The following OTOA variants were observed in gnomAD, a reference collection of about 807,000 sequenced individuals.
OTOA encodes otoancorin.
Under a neutral mutation model 110.8 loss-of-function variants are expected in OTOA, and 70 were observed. That is an observed-to-expected ratio of 0.63 (90% CI 0.52 to 0.77). OTOA has a LOEUF of 0.77. OTOA is among the 30% of genes least tolerant of loss of function. OTOA has a pLI of 0.00. For missense variants in OTOA, 917 were observed against 1,075.8 expected, an observed-to-expected ratio of 0.85 and a Z score of 2.06; for synonymous variants, 373 against 431.5, an observed-to-expected ratio of 0.86 and a Z score of 1.68.
rs35961471 is a variant in OTOA, at chr16:21,721,232, T to TACACACAC, written c.1807-1633_1807-1626dup. On this transcript the variant is annotated intron_variant, in intron 17 of 28. Transcript: ENST00000646100. ...GCCCATTCTGAAAACACATAATTATTACACACACACACACACACACACACA... is the reference window on the plus strand; with the variant it reads ...GCCCATTCTGAAAACACATAATTATTACACACACACACACACACACACACACACACACA... The TACACACAC allele has an allele frequency of 1.0e-3, 391 of 372,416 alleles. 1 individual carries two copies. Among genetic ancestry groups the TACACACAC allele is most frequent in the Admixed American group, 2.1e-3 (73 of 35,408 alleles). The allele number at this position is 372,416 out of a possible 1,614,324, so 23.1% of individuals were successfully genotyped here. A position where few individuals can be genotyped will look rare whatever the true frequency, so the allele number is the denominator to read the frequency against.
intron 5 of OTOA, among the ~76,000 whole-genome samples, chr16:21,680,129 A>G (rs1161411257): frequency 2.0e-5 from 3 of 152,144 alleles, no homozygotes; most frequent in East Asian, 3.8e-4. Flanking sequence ...GATAACACCA[A>G]TGGGTACTTT....
Position 21,691,539 on chromosome 16 carries a change from C to T in OTOA, c.636-45C>T, listed in dbSNP as rs765872605. 6.6e-6 allele frequency: 10 copies of T among 1,517,984 alleles called. 1 individual carries two copies. The South Asian group carries it at 1.0e-4, about 16-fold the overall frequency. 94.0% of individuals were successfully genotyped at this position (1,517,984 alleles called of 1,614,324 possible). On this transcript the variant is annotated intron_variant, in intron 8 of 28. Coordinates refer to ENST00000646100, the MANE Select transcript of OTOA (RefSeq NM_144672.4). ...TTGTGACTCCCTTTTTAATGCAGCC[C>T]CCACCTGCTTGTTATTAGCTGATGC...
chr16:21,719,029 C>T, intron 15 of OTOA, 104 bp from the exon 16 acceptor site: 3 of 1,149,124 alleles, frequency 2.6e-6, no homozygotes, highest in African/African-American at 1.5e-5. Flanking sequence ...CTCCATTTCC[C>T]CATCTGTAAA....
At chr16:21,674,606 T>C (rs1966853665) in intron 1 of OTOA, among the ~76,000 whole-genome samples, 1 of 151,824 alleles carries the variant, frequency 6.6e-6, no homozygotes, top group Non-Finnish European at 1.5e-5. Context: ...AGTGCTGGGA[T>C]TACAGGCATG....
intron 9 of OTOA, among the ~76,000 whole-genome samples, chr16:21,696,767 G>A (rs1268814259): frequency 6.6e-6 from 1 of 151,868 alleles, no homozygotes; most frequent in African/African-American, 2.4e-5. Flanking sequence ...GATTACAGGT[G>A]TGAGCCACCA....
chr16:21,671,959 C>T (rs894008264), intron 1 of OTOA, among the ~76,000 whole-genome samples: 1 of 152,072 alleles, frequency 6.6e-6, no homozygotes, highest in African/African-American at 2.4e-5. Flanking sequence ...TAGTGAGACC[C>T]TATATCTACA....
At chr16:21,684,671 CT>C in intron 6 of OTOA, 1 of 605,388 alleles carries the variant, frequency 1.7e-6, no homozygotes, top group East Asian at 3.3e-5. Flanking sequence ...GTTGCCAAAC[CT>C]TTACTTTTTC....
intron 1 of OTOA, among the ~76,000 whole-genome samples, chr16:21,672,551 A>C (rs1240134970): frequency 6.7e-6 from 1 of 149,880 alleles, no homozygotes; most frequent in Admixed American, 6.7e-5. Flanking sequence ...TGCACCTGGG[A>C]GGCGGAGGTT....
intron 17 of OTOA, among the ~76,000 whole-genome samples, chr16:21,722,352 CTATA>C (rs1275297083): frequency 2.0e-5 from 2 of 99,698 alleles, no homozygotes; most frequent in South Asian, 6.6e-4. Context: ...ATGTATAAAA[CTATA>C]TATATAGTTA....
At chr16:21,684,658 G>T in intron 6 of OTOA, 2 of 820,318 alleles carry the variant, frequency 2.4e-6, no homozygotes, top group Admixed American at 2.3e-5. Context: ...ATGTGCGCCC[G>T]GTGTTGCCAA....
intron 13 of OTOA, among the ~76,000 whole-genome samples, chr16:21,714,440 CTT>C (rs1302327529): frequency 8.3e-6 from 1 of 120,494 alleles, no homozygotes; most frequent in Non-Finnish European, 1.7e-5. Context: ...TTCTCTCTTT[CTT>C]TCTTTCTCTC....
intron 21 of OTOA, among the ~76,000 whole-genome samples, chr16:21,735,327 G>A (rs1899255639): frequency 6.6e-6 from 1 of 151,704 alleles, no homozygotes; most frequent in Non-Finnish European, 1.5e-5. Context: ...GAGCGTGATG[G>A]GGGAGGTGCT....
chr16:21,687,707 G>A (rs999341330), intron 8 of OTOA, 59 bp downstream of exon 8: 12 of 1,437,084 alleles, frequency 8.4e-6, no homozygotes, highest in Non-Finnish European at 1.0e-5. Flanking sequence ...TCACTCTGTC[G>A]CCCAGGTTGG....
At chr16:21,759,870 A>C (rs931097834) in intron 28 of OTOA, among the ~76,000 whole-genome samples, 28 of 151,692 alleles carry the variant, frequency 1.8e-4, no homozygotes, top group African/African-American at 6.8e-4. Flanking sequence ...ATTGCACTCC[A>C]TCCTGGGTGA....
At chr16:21,735,382 T>C (rs1411511387) in intron 21 of OTOA, among the ~76,000 whole-genome samples, 1 of 151,802 alleles carries the variant, frequency 6.6e-6, no homozygotes, top group Non-Finnish European at 1.5e-5. Flanking sequence ...CACGCACTAT[T>C]GTGAGGACAG....
At chr16:21,715,724 C>T (rs1265784102) in intron 14 of OTOA, among the ~76,000 whole-genome samples, 1 of 152,092 alleles carries the variant, frequency 6.6e-6, no homozygotes, top group Non-Finnish European at 1.5e-5. Flanking sequence ...TGCTATGTTG[C>T]CCAGGCTGGT....
Position 21,666,681 on chromosome 16 carries a change from ATTT to A in OTOA, c.-5+2450_-5+2452del, listed in dbSNP as rs1382465531. ...CACCACAGGGATCCTTGCCTGACTG[ATTT>A]CCTCCAGTCTGCAGTGGGGGAATCT... On this transcript the variant is annotated intron_variant, in intron 1 of 28. Coordinates refer to ENST00000646100, the MANE Select transcript of OTOA (RefSeq NM_144672.4). Among the ~76,000 whole-genome samples the A allele has an allele frequency of 9.7e-4, 147 of 152,114 alleles. 1 individual carries two copies. Among genetic ancestry groups the A allele is most frequent in the African/African-American group, 3.4e-3 (142 of 41,494 alleles).
intron 1 of OTOA, among the ~76,000 whole-genome samples, chr16:21,664,845 G>T (rs968784321): frequency 6.6e-6 from 1 of 151,874 alleles, no homozygotes; most frequent in Non-Finnish European, 1.5e-5. Flanking sequence ...GGTGGCGGGC[G>T]CCTGTAATCT....
rs372053691 is a variant in OTOA at position 21,726,569 on chromosome 16, C to G, written c.1927C>G (p.Leu643Val). 1.2e-6 allele frequency: 2 copies of G among 1,614,100 alleles called. No individual in the cohort carries two copies. Among genetic ancestry groups the G allele is most frequent in the Non-Finnish European group, 1.7e-6 (2 of 1,180,012 alleles). Residue 643 changes from leucine (L) to valine (V), a missense_variant, in exon 19 of 29, where the codon CTG becomes GTG. Transcript: ENST00000646100. ...CCCAGCCTCCCAGTGTGTGCCCTTT[C>G]TGATCAGCCTGGGGAAGAGCTGGTT... ...SVPASQCVPF[L>V]ISLGKSWLDS...
Sources: allele counts gnomAD v4.1 joint callset (sites outside exome capture counted in the v4.1 genomes callset), GRCh38; gene constraint gnomAD v4.1.1; transcripts MANE v1.5; gene names NCBI Gene and HGNC (gene_info 2026-07-23, HGNC 2026-07-21).